Variants in SZT2 observed in about 807,000 individuals in gnomAD.
SZT2 encodes KICSTOR complex protein SZT2.
Under a neutral mutation model 404.2 loss-of-function variants are expected in SZT2, and 216 were observed. The ratio of observed to expected loss-of-function variants is 0.53; its 90% CI spans 0.48 to 0.60. SZT2 has a LOEUF of 0.60. SZT2 is among the 20% of genes least tolerant of loss of function. The pLI is 0.00. For missense variants in SZT2, 3,857 were observed against 4,459.2 expected (o/e 0.86, Z 3.85); for synonymous variants, 1,693 against 1,749.9 (o/e 0.97, Z 0.81).
chr1:43,432,959 T>G (rs1654068671), intron 39 of SZT2, 30 bp from the exon 40 acceptor site: 1 of 1,612,512 alleles, frequency 6.2e-7, no homozygotes, highest in East Asian at 2.2e-5. Flanking sequence ...CAGCTTCGGA[T>G]GGGATTGACC....
At chr1:43,434,033 G>A (rs1053130210) in intron 40 of SZT2, among the ~76,000 whole-genome samples, 1 of 152,202 alleles carries the variant, frequency 6.6e-6, no homozygotes, top group Non-Finnish European at 1.5e-5. Flanking sequence ...GGCATATGCA[G>A]GGTAAGGTGG....
At position 43,451,637 on chromosome 1, in the gene SZT2, G is replaced by A; in HGVS notation, c.*1157G>A. On this transcript the variant is annotated 3_prime_UTR_variant, in exon 72 of 72. Transcript: ENST00000634258. ...TTGAAAGGGTGGGAGGGCAAAGGAA[G>A]GTCCTCTCACCAACAATGGGCAGGA... 1 of 1,614,072 alleles carries A rather than the reference G, an allele frequency of 6.2e-7. No homozygotes were observed. Among genetic ancestry groups the A allele is most frequent in the Non-Finnish European group, 8.5e-7 (1 of 1,179,942 alleles).
chr1:43,398,066 G>A (rs12118038), intron 1 of SZT2, among the ~76,000 whole-genome samples: 5,241 of 152,270 alleles, frequency 0.034, 109 homozygotes, highest in South Asian at 0.054. Flanking sequence ...CTGGCCTTAC[G>A]TGGGCCAAAA....
rs376134899 is a variant in SZT2, at chr1:43,426,735, G to T, written c.3235G>T (p.Gly1079Trp). ...TGTAGGTGCCGAGGGGCCACTGCTG[G>T]GGGTTCATGGGATCCCGAAGGAGCA... ...HVPGAEGPLL[G>W]VHGIPKEQAV... The change falls in exon 23 of 72, where the codon GGG becomes TGG. Residue 1079 changes from glycine (G) to tryptophan (W), a missense_variant. By Grantham distance (184) the Gly-to-Trp change is radical (BLOSUM62 -2). Around this residue, in one of 7 missense-constraint regions of SZT2, gnomAD observed 1,725 missense variants for 1,881.0 expected, o/e 0.92. Transcript: ENST00000634258. This position sits in a 1 kb window ranked among gnomAD's most constrained non-coding sequence, Gnocchi z 4.9. 23 of 1,612,760 alleles carry T rather than the reference G, an allele frequency of 1.4e-5. No individual in the cohort carries two copies. Among genetic ancestry groups the T allele is most frequent in the Admixed American group, 1.3e-4 (8 of 59,870 alleles).
chr1:43,447,669 C>T lies in SZT2; in HGVS notation c.9411C>T (p.Asn3137=), dbSNP rs200191190. ...RMARPGGPEH[N]EYALVSAWHS... The stretch of plus-strand genomic sequence containing the variant: ...CCCGGCCAGGGGGCCCAGAACACAA[C>T]GAGTATGCCCTGGTGTCGGCATGGC... The change falls in exon 67 of 72, where the codon AAC becomes AAT. Residue 3137 remains asparagine (N), a synonymous_variant. Coordinates refer to ENST00000634258, the MANE Select transcript of SZT2 (RefSeq NM_001365999.1). 182 of 1,614,124 alleles carry T rather than the reference C, an allele frequency of 1.1e-4. No homozygotes were observed. The highest frequency in any genetic ancestry group is 3.3e-4 in the East Asian group (15 of 44,878).
chr1:43,432,574 CT>C lies in SZT2; in HGVS notation c.5501del (p.Leu1834ProfsTer20), dbSNP rs1448210053. ...CCCAGAGGATTCTGAGGGTGTCCCC[CT>C]CATCAGCCTGCCCCGCGTGCCACAG... Reference protein sequence around the residue: ...GSPEDSEGVPLISLPRVPQGG... With the variant: ...GSPEDSEGVPXISLPRVPQGG... On this transcript the variant is annotated frameshift_variant, in exon 38 of 72. Transcript: ENST00000634258. LOFTEE classifies it high-confidence loss of function. The C allele has an allele frequency of 6.2e-7, 1 of 1,613,614 alleles. No homozygotes were observed. Among genetic ancestry groups the C allele is most frequent in the Admixed American group, 1.7e-5 (1 of 59,966 alleles).
intron 11 of SZT2, 78 bp from the exon 12 acceptor site, chr1:43,422,005 A>G: frequency 1.4e-6 from 2 of 1,474,388 alleles, no homozygotes; most frequent in Non-Finnish European, 1.8e-6. Flanking sequence ...GAGTCCACCC[A>G]TGGTTTTGTT....
intron 51 of SZT2, 111 bp downstream of exon 51, chr1:43,440,159 T>A: frequency 7.0e-7 from 1 of 1,419,498 alleles, no homozygotes; most frequent in Non-Finnish European, 9.7e-7. Flanking sequence ...GTCAGAGAAC[T>A]ACTACATCAG....
In SZT2 at chr1:43,420,760, T is replaced by C. The variant is rs1315864292; in HGVS notation, c.1273T>C (p.Leu425=). The change falls in exon 10 of 72, where the codon TTG becomes CTG. Residue 425 remains leucine, a synonymous_variant. Transcript: ENST00000634258. This position sits in a 1 kb window ranked among gnomAD's most constrained non-coding sequence, Gnocchi z 5.1. The part of the protein sequence containing the change: ...EVTLAKGGSQ[L]EVKLVLLWKH... Reference sequence around the variant, plus strand: ...CGCTTCTCCCTAAGGAGGGTCCCAATTGGAGGTAAAGCTGGTGCTGCTGTG... The same window carrying C: ...CGCTTCTCCCTAAGGAGGGTCCCAACTGGAGGTAAAGCTGGTGCTGCTGTG... The C allele has an allele frequency of 8.1e-6, 13 of 1,598,196 alleles. No individual in the cohort carries two copies. The highest frequency in any genetic ancestry group is 5.3e-5 in the African/African-American group (4 of 74,886).
intron 1 of SZT2, among the ~76,000 whole-genome samples, chr1:43,390,840 C>T (rs998997646): frequency 1.3e-5 from 2 of 152,202 alleles, no homozygotes; most frequent in Non-Finnish European, 2.9e-5. Flanking sequence ...GCCAACATAT[C>T]AGTAGGTGGG....
chr1:43,404,026 A>G (rs1570566573), intron 3 of SZT2: 6 of 537,280 alleles, frequency 1.1e-5, no homozygotes, highest in Admixed American at 3.1e-5. Flanking sequence ...CCTGGGCCAC[A>G]TGGCAAAACT....
chr1:43,393,499 G>A (rs1032726988), intron 1 of SZT2, among the ~76,000 whole-genome samples: 6 of 152,208 alleles, frequency 3.9e-5, no homozygotes, highest in Admixed American at 1.3e-4. Flanking sequence ...TTTTAACTGC[G>A]TGGGGATTGG....
intron 36 of SZT2, 107 bp downstream of exon 36, chr1:43,432,008 C>T (rs1653951840): frequency 2.2e-6 from 3 of 1,360,738 alleles, no homozygotes; most frequent in Admixed American, 1.9e-5. Flanking sequence ...ATAGAGTTAT[C>T]CCTCCTGTCT....
intron 62 of SZT2, chr1:43,445,596 A>C: frequency 2.3e-6 from 1 of 444,296 alleles, no homozygotes; most frequent in Non-Finnish European, 4.1e-6. Context: ...GACAGGCATC[A>C]CCTTCCCCCT....
In SZT2 at chr1:43,453,858, CGGCGGGCGGG is replaced by C. The variant is rs1656751186; in HGVS notation, c.*3385_*3394del. On this transcript the variant is annotated 3_prime_UTR_variant, in exon 72 of 72. Coordinates refer to ENST00000634258, the MANE Select transcript of SZT2 (RefSeq NM_001365999.1). ...AAGGCGGCGGGCGGCGGGCGGCGGG[CGGCGGGCGGG>C]GGCGGGGCTCTCCTTGCTGGCCCTG... 11 of 932,818 alleles carry C rather than the reference CGGCGGGCGGG, an allele frequency of 1.2e-5. No individual in the cohort carries two copies. Among genetic ancestry groups the C allele is most frequent in the Non-Finnish European group, 1.5e-5 (11 of 727,478 alleles). The allele number at this position is 932,818 out of a possible 1,614,324, so 57.8% of individuals were successfully genotyped here. A position where few individuals can be genotyped will look rare whatever the true frequency, so the allele number is the denominator to read the frequency against.
At position 43,389,958 on chromosome 1, in the gene SZT2, A is replaced by T; in HGVS notation, c.-11A>T. The stretch of plus-strand genomic sequence containing the variant: ...CCTCACTGGCCCGGGCCGGCGCGGG[A>T]GGGCTGTGTGATGGCCTCGGAGCGC... On this transcript the variant is annotated 5_prime_UTR_variant, in exon 1 of 72. Coordinates refer to ENST00000634258, the MANE Select transcript of SZT2 (RefSeq NM_001365999.1). 6.9e-7 allele frequency: 1 copy of T among 1,442,944 alleles called. No individual in the cohort carries two copies. Among genetic ancestry groups the T allele is most frequent in the Non-Finnish European group, 9.1e-7 (1 of 1,098,502 alleles). 89.4% of individuals were successfully genotyped at this position (1,442,944 alleles called of 1,614,324 possible). A position where few individuals can be genotyped will look rare whatever the true frequency, so the allele number is the denominator to read the frequency against.
intron 46 of SZT2, among the ~76,000 whole-genome samples, chr1:43,438,454 G>C (rs1654697774): frequency 6.6e-6 from 1 of 152,182 alleles, no homozygotes; most frequent in African/African-American, 2.4e-5. Context: ...TGAGGGCGAT[G>C]CTATTATAAT....
chr1:43,394,049 G>C (rs565467328), intron 1 of SZT2: 1 of 984,038 alleles, frequency 1.0e-6, no homozygotes, highest in African/African-American at 1.7e-5. Flanking sequence ...ACTACTCTGA[G>C]AGTAATGAAC....
At chr1:43,401,649 C>A (rs182534687) in intron 1 of SZT2, among the ~76,000 whole-genome samples, 4 of 152,094 alleles carry the variant, frequency 2.6e-5, no homozygotes, top group Admixed American at 6.5e-5. Flanking sequence ...CCACGCCTAG[C>A]TAATTTTTGT....
Sources: allele counts gnomAD v4.1 joint callset (sites outside exome capture counted in the v4.1 genomes callset), GRCh38; gene constraint gnomAD v4.1.1; regional missense constraint gnomAD v4.1.1; non-coding constraint Gnocchi (gnomAD v3.1); transcripts MANE v1.5; gene names NCBI Gene and HGNC (gene_info 2026-07-23, HGNC 2026-07-21).